AHCYL2: variants seen among roughly 807,000 people sequenced by gnomAD.
The protein encoded by AHCYL2 is S-adenosylhomocysteine hydrolase-like protein 2.
In AHCYL2, 28 loss-of-function variants were observed where a neutral mutation model predicts 81.4. That is an observed-to-expected ratio of 0.34 (90% confidence interval 0.25 to 0.47). AHCYL2 has a LOEUF of 0.47. AHCYL2 is among the 20% of genes least tolerant of loss of function. The pLI is 1.00. For synonymous variants in AHCYL2, 272 were observed against 290.2 expected (o/e 0.94, Z 0.64); for missense variants, 551 against 785.1 (o/e 0.70, Z 3.56).
intron 1 of AHCYL2, among the ~76,000 whole-genome samples, chr7:129,365,167 A>G (rs1392927793): frequency 6.6e-6 from 1 of 152,210 alleles, no homozygotes; most frequent in Non-Finnish European, 1.5e-5. Context: ...TGGTGAGAAT[A>G]GTGATATAGC....
At chr7:129,277,732 T>G (rs1030395416) in intron 1 of AHCYL2, among the ~76,000 whole-genome samples, 8 of 152,210 alleles carry the variant, frequency 5.3e-5, no homozygotes, top group African/African-American at 1.7e-4. Flanking sequence ...TTCTTCCACT[T>G]AGCATCATTA....
chr7:129,319,906 A>G (rs973820489), intron 1 of AHCYL2, among the ~76,000 whole-genome samples: 3 of 146,380 alleles, frequency 2.0e-5, no homozygotes, highest in African/African-American at 7.5e-5. Context: ...ATATGCTTTC[A>G]TTTTTTTTTT....
At chr7:129,378,325 A>C (rs959275443) in intron 1 of AHCYL2, among the ~76,000 whole-genome samples, 2 of 152,114 alleles carry the variant, frequency 1.3e-5, no homozygotes, top group Non-Finnish European at 2.9e-5. Flanking sequence ...AAAAAAAATA[A>C]ATTTACTTAC....
chr7:129,341,863 A>C (rs181534730), intron 1 of AHCYL2, among the ~76,000 whole-genome samples: 1 of 152,336 alleles, frequency 6.6e-6, no homozygotes, highest in Non-Finnish European at 1.5e-5. Context: ...GATCTTGAGA[A>C]TTTACCAACA....
intron 1 of AHCYL2, among the ~76,000 whole-genome samples, chr7:129,312,763 T>C (rs999616781): frequency 6.6e-6 from 1 of 152,070 alleles, no homozygotes; most frequent in Non-Finnish European, 1.5e-5. Flanking sequence ...CATTGAACGT[T>C]CTCATCTCTC....
intron 1 of AHCYL2, among the ~76,000 whole-genome samples, chr7:129,369,870 C>T (rs1416581252): frequency 1.3e-5 from 2 of 152,068 alleles, no homozygotes; most frequent in East Asian, 3.9e-4. Flanking sequence ...AATTTTAAAA[C>T]ATTTTGTGGA....
At chr7:129,415,284 G>A (rs1012817414) in intron 12 of AHCYL2, among the ~76,000 whole-genome samples, 3 of 152,196 alleles carry the variant, frequency 2.0e-5, no homozygotes, top group African/African-American at 4.8e-5. Context: ...AAGTATTCAT[G>A]TCATGCCCTG....
At chr7:129,375,386 T>C (rs1794630955) in intron 1 of AHCYL2, among the ~76,000 whole-genome samples, 1 of 152,156 alleles carries the variant, frequency 6.6e-6, no homozygotes, top group African/African-American at 2.4e-5. Flanking sequence ...GGCTCTGTGG[T>C]TAATTTTTTT....
At chr7:129,320,518 T>C (rs1371496243) in intron 1 of AHCYL2, among the ~76,000 whole-genome samples, 4 of 152,202 alleles carry the variant, frequency 2.6e-5, no homozygotes, top group Non-Finnish European at 5.9e-5. Flanking sequence ...GGTTTCACCA[T>C]GTTAGCCAGG....
intron 1 of AHCYL2, among the ~76,000 whole-genome samples, chr7:129,257,740 A>T (rs1795476463): frequency 6.6e-6 from 1 of 152,120 alleles, no homozygotes; most frequent in Non-Finnish European, 1.5e-5. Context: ...TTCCCCAGTG[A>T]TGGGTAAAAT....
intron 1 of AHCYL2, among the ~76,000 whole-genome samples, chr7:129,273,820 C>T (rs1052387626): frequency 6.6e-6 from 1 of 152,146 alleles, no homozygotes; most frequent in East Asian, 1.9e-4. Context: ...CTTTTGTCTG[C>T]TGGAGTGAAT....
intron 1 of AHCYL2, among the ~76,000 whole-genome samples, chr7:129,241,243 T>C (rs1434900561): frequency 6.6e-6 from 1 of 152,204 alleles, no homozygotes; most frequent in East Asian, 1.9e-4. Flanking sequence ...CAAAAAGAAC[T>C]ATTTTCTCTT....
rs112320975 is a variant in AHCYL2 at position 129,398,669 on chromosome 7, G to T, written c.823+1345G>T. ...GCTGGGATTACAGGTGTGAGCCACC[G>T]CACCCGGCTGCCCCATTTTTTTTTT... On this transcript the variant is annotated intron_variant, in intron 5 of 16. Coordinates refer to ENST00000325006, the MANE Select transcript of AHCYL2 (RefSeq NM_015328.4). 5.8e-3 allele frequency among the ~76,000 whole-genome samples: 883 copies of T among 151,304 alleles called. 11 individuals are homozygous for T. The highest frequency in any genetic ancestry group is 0.021 in the African/African-American group (851 of 41,290).
At chr7:129,303,798 T>C (rs916424747) in intron 1 of AHCYL2, among the ~76,000 whole-genome samples, 10 of 152,264 alleles carry the variant, frequency 6.6e-5, no homozygotes, top group African/African-American at 2.4e-4. Context: ...TAAACTTCCC[T>C]CTTTGGCTGG....
chr7:129,389,613 G>A (rs768535161), intron 3 of AHCYL2, 21 bp from the exon 4 acceptor site: 1 of 1,565,294 alleles, frequency 6.4e-7, no homozygotes, highest in South Asian at 1.2e-5. Context: ...TAATATTGCT[G>A]TATTTATTGG....
intron 2 of AHCYL2, among the ~76,000 whole-genome samples, chr7:129,380,749 A>T (rs953550150): frequency 1.3e-5 from 2 of 152,076 alleles, no homozygotes; most frequent in Non-Finnish European, 2.9e-5. Flanking sequence ...GTGGGGTAGC[A>T]CAAGATTTGA....
At chr7:129,264,176 C>G (rs971018059) in intron 1 of AHCYL2, among the ~76,000 whole-genome samples, 1 of 152,318 alleles carries the variant, frequency 6.6e-6, no homozygotes, top group South Asian at 2.1e-4. Context: ...CACCCGCCAC[C>G]ATGCCCGGCT....
chr7:129,233,644 C>T (rs1240842041), intron 1 of AHCYL2, among the ~76,000 whole-genome samples: 3 of 152,084 alleles, frequency 2.0e-5, no homozygotes, highest in South Asian at 2.1e-4. Context: ...CGCACTACCA[C>T]GCCCAGCTAA....
intron 1 of AHCYL2, among the ~76,000 whole-genome samples, chr7:129,339,964 G>A (rs1236492950): frequency 7.1e-6 from 1 of 139,868 alleles, no homozygotes; most frequent in Non-Finnish European, 1.5e-5. Context: ...CGTCGCCCAG[G>A]CTGGAGTGCA....
Sources: allele counts gnomAD v4.1 joint callset (sites outside exome capture counted in the v4.1 genomes callset), GRCh38; gene constraint gnomAD v4.1.1; transcripts MANE v1.5; gene names NCBI Gene and HGNC (gene_info 2026-07-23, HGNC 2026-07-21).